Variants in DGKB observed in about 807,000 individuals in gnomAD.
The protein encoded by DGKB is 90 kDa diacylglycerol kinase.
DGKB carries 67 observed loss-of-function variants against 114.3 expected under a neutral mutation model. The observed-to-expected ratio is 0.59, with a 90% CI of 0.48 to 0.72. The LOEUF (loss-of-function observed/expected upper bound fraction) is 0.72, where lower values mean the gene tolerates loss of function less well. DGKB is among the 30% of genes least tolerant of loss of function. DGKB has a pLI of 0.00. For synonymous variants in DGKB, 398 were observed against 323.1 expected, an observed-to-expected ratio of 1.23 and a Z score of -2.49; for missense variants, 907 against 975.2, an observed-to-expected ratio of 0.93 and a Z score of 0.93.
intron 1 of DGKB, among the ~76,000 whole-genome samples, chr7:14,910,834 A>T (rs1783966568): frequency 6.6e-6 from 1 of 152,198 alleles, no homozygotes; most frequent in Admixed American, 6.5e-5. Context: ...TTAGTTGATT[A>T]ATCTATGTTT....
intron 17 of DGKB, among the ~76,000 whole-genome samples, chr7:14,588,682 T>C (rs1449439882): frequency 6.6e-6 from 1 of 152,120 alleles, no homozygotes; most frequent in Non-Finnish European, 1.5e-5. Context: ...TAATTCAACT[T>C]TCTACTATGC....
chr7:14,809,929 T>C (rs907406227), intron 2 of DGKB, among the ~76,000 whole-genome samples: 9 of 152,232 alleles, frequency 5.9e-5, no homozygotes, highest in Non-Finnish European at 1.3e-4. Context: ...TATATTTCTG[T>C]TGATTTTCAA....
At chr7:14,359,761 T>C (rs1815328678) in intron 21 of DGKB, among the ~76,000 whole-genome samples, 1 of 151,950 alleles carries the variant, frequency 6.6e-6, no homozygotes, top group African/African-American at 2.4e-5. Flanking sequence ...AAAACCACAA[T>C]GAGATACCAT....
At chr7:14,774,343 T>C (rs1286553697) in intron 2 of DGKB, among the ~76,000 whole-genome samples, 3 of 152,214 alleles carry the variant, frequency 2.0e-5, no homozygotes, top group Non-Finnish European at 2.9e-5. Flanking sequence ...GTCCAAGCAC[T>C]ACAGAAGTAT....
intron 2 of DGKB, among the ~76,000 whole-genome samples, chr7:14,803,540 C>T (rs1223562241): frequency 1.3e-5 from 2 of 152,048 alleles, no homozygotes; most frequent in East Asian, 1.9e-4. Context: ...AATTTTTGGT[C>T]GATTTTAAAG....
rs182770416 is a variant in DGKB at position 14,177,772 on chromosome 7, T to C, written c.2243+259A>G. 3.4e-3 allele frequency among the ~76,000 whole-genome samples: 520 copies of C among 152,236 alleles called. 3 individuals are homozygous for C. Among genetic ancestry groups the C allele is most frequent in the Non-Finnish European group, 5.9e-3 (404 of 68,018 alleles). ...CTAATATGAGTATAAATCATAAAAT[T>C]TGTATGTTTGAATTCGTGCATCAAT... On this transcript the variant is annotated intron_variant, in intron 24 of 25. Coordinates refer to ENST00000402815, the MANE Select transcript of DGKB (RefSeq NM_001350709.2).
intron 17 of DGKB, among the ~76,000 whole-genome samples, chr7:14,594,493 C>T (rs1026655922): frequency 6.6e-6 from 1 of 152,026 alleles, no homozygotes; most frequent in Admixed American, 6.6e-5. Flanking sequence ...AGAAGTTACA[C>T]AGTCTTCCTG....
chr7:14,756,168 T>C (rs906830224), intron 3 of DGKB, among the ~76,000 whole-genome samples: 2 of 152,098 alleles, frequency 1.3e-5, no homozygotes, highest in African/African-American at 4.8e-5. Context: ...GCTATCATTA[T>C]GGAGAAAAAC....
intron 20 of DGKB, among the ~76,000 whole-genome samples, chr7:14,478,774 A>G (rs1187368308): frequency 3.3e-5 from 5 of 151,640 alleles, no homozygotes; most frequent in Non-Finnish European, 5.9e-5. Context: ...TTGGACCACA[A>G]GCAACTTTCT....
chr7:14,425,605 T>C (rs533832191), intron 21 of DGKB, among the ~76,000 whole-genome samples: 1 of 152,166 alleles, frequency 6.6e-6, no homozygotes, highest in Non-Finnish European at 1.5e-5. Flanking sequence ...TAGTCAGTAT[T>C]AGACATAAAG....
intron 20 of DGKB, among the ~76,000 whole-genome samples, chr7:14,524,224 T>A (rs75483245): frequency 6.6e-6 from 1 of 152,048 alleles, no homozygotes; most frequent in South Asian, 2.1e-4. Context: ...AGTTTAAATT[T>A]GAAAAAAAAA....
chr7:14,708,628 T>C (rs907345325), intron 6 of DGKB, among the ~76,000 whole-genome samples: 2 of 151,414 alleles, frequency 1.3e-5, no homozygotes, highest in African/African-American at 4.9e-5. Context: ...TATAAATCAA[T>C]GGAACAGAAC....
At chr7:14,550,286 T>A (rs1378419056) in intron 20 of DGKB, among the ~76,000 whole-genome samples, 2 of 141,244 alleles carry the variant, frequency 1.4e-5, no homozygotes, top group Non-Finnish European at 1.5e-5. Context: ...TTAGTGTGAC[T>A]TACTTAATAA....
At chr7:14,598,324 C>T (rs1049329315) in intron 17 of DGKB, among the ~76,000 whole-genome samples, 2 of 152,122 alleles carry the variant, frequency 1.3e-5, no homozygotes, top group Non-Finnish European at 2.9e-5. Context: ...TAATAATACA[C>T]ATAAAGAAAC....
chr7:14,534,058 T>C (rs1243814079), intron 20 of DGKB, among the ~76,000 whole-genome samples: 6 of 152,000 alleles, frequency 3.9e-5, no homozygotes, highest in Non-Finnish European at 5.9e-5. Flanking sequence ...TAAATACTAG[T>C]AAAAAATTAA....
At chr7:14,797,419 A>T (rs1469977358) in intron 2 of DGKB, among the ~76,000 whole-genome samples, 1 of 152,148 alleles carries the variant, frequency 6.6e-6, no homozygotes, top group Non-Finnish European at 1.5e-5. Context: ...TTCACTCACA[A>T]ATATACTTCT....
chr7:14,867,858 T>G (rs1851905013), intron 1 of DGKB, among the ~76,000 whole-genome samples: 1 of 152,154 alleles, frequency 6.6e-6, no homozygotes, highest in African/African-American at 2.4e-5. Context: ...CTGAGGTATC[T>G]GCCAAAACAA....
chr7:14,753,679 A>G (rs554377024), intron 4 of DGKB, among the ~76,000 whole-genome samples: 2 of 152,320 alleles, frequency 1.3e-5, no homozygotes, highest in East Asian at 3.9e-4. Context: ...ACAAAACTGA[A>G]GGCCACACTT....
At chr7:14,933,083 A>G (rs1271204420) in intron 1 of DGKB, among the ~76,000 whole-genome samples, 1 of 152,124 alleles carries the variant, frequency 6.6e-6, no homozygotes, top group Non-Finnish European at 1.5e-5. Flanking sequence ...TGGGTTTGCA[A>G]ACTCCCACCT....
Sources: allele counts gnomAD v4.1 joint callset (sites outside exome capture counted in the v4.1 genomes callset), GRCh38; gene constraint gnomAD v4.1.1; transcripts MANE v1.5; gene names NCBI Gene and HGNC (gene_info 2026-07-23, HGNC 2026-07-21).